The following KIAA1217 variants were observed in gnomAD, a reference collection of about 807,000 sequenced individuals.
KIAA1217 encodes KIAA1217.
Under a neutral mutation model 163.9 loss-of-function variants are expected in KIAA1217, and 88 were observed. The observed-to-expected ratio is 0.54, with a 90% confidence interval of 0.45 to 0.64. The LOEUF (loss-of-function observed/expected upper bound fraction) is 0.64, where lower values mean the gene tolerates loss of function less well. Ranked by LOEUF, KIAA1217 falls within the 30% of genes least tolerant of loss-of-function variation. KIAA1217 has a pLI of 0.00. For missense variants in KIAA1217, 2,372 were observed against 2,475.0 expected (o/e 0.96, Z 0.88); for synonymous variants, 903 against 923.1 (o/e 0.98, Z 0.39).
intron 1 of KIAA1217, among the ~76,000 whole-genome samples, chr10:23,703,730 C>T (rs1836646980): frequency 6.6e-6 from 1 of 152,046 alleles, no homozygotes; most frequent in African/African-American, 2.4e-5. Flanking sequence ...TCTCCTCCTC[C>T]TCCTCCCCTT....
intron 2 of KIAA1217, among the ~76,000 whole-genome samples, chr10:24,047,508 T>G (rs1849122348): frequency 6.6e-6 from 1 of 152,232 alleles, no homozygotes; most frequent in African/African-American, 2.4e-5. Context: ...GCATGAATAC[T>G]CTAAGTCAAG....
intron 2 of KIAA1217, among the ~76,000 whole-genome samples, chr10:24,271,791 C>T (rs1027668660): frequency 2.6e-5 from 4 of 151,706 alleles, no homozygotes; most frequent in African/African-American, 4.8e-5. Context: ...ACTGTGCACA[C>T]GCAGGCCTTT....
chr10:23,697,560 T>G (rs777336680), intron 1 of KIAA1217, among the ~76,000 whole-genome samples: 12 of 152,010 alleles, frequency 7.9e-5, no homozygotes, highest in Non-Finnish European at 1.5e-4. Flanking sequence ...AAACTAAGGC[T>G]TCATAGTTTT....
At chr10:23,724,592 G>C (rs1349056517) in intron 1 of KIAA1217, among the ~76,000 whole-genome samples, 1 of 152,118 alleles carries the variant, frequency 6.6e-6, no homozygotes, top group Non-Finnish European at 1.5e-5. Flanking sequence ...TTGATTGGCA[G>C]ACTGGATAAC....
chr10:24,089,616 C>T (rs1257442949), intron 2 of KIAA1217, among the ~76,000 whole-genome samples: 1 of 151,752 alleles, frequency 6.6e-6, no homozygotes, highest in Non-Finnish European at 1.5e-5. Flanking sequence ...AGATGTGTGG[C>T]ATTATTTCTG....
At chr10:24,273,428 T>C (rs546373480) in intron 2 of KIAA1217, among the ~76,000 whole-genome samples, 1 of 152,328 alleles carries the variant, frequency 6.6e-6, no homozygotes, top group South Asian at 2.1e-4. Context: ...ATTATTTTTA[T>C]GTTCTTCCTT....
intron 2 of KIAA1217, among the ~76,000 whole-genome samples, chr10:24,093,016 C>T (rs889706099): frequency 1.0e-4 from 15 of 150,696 alleles, no homozygotes; most frequent in Non-Finnish European, 2.2e-4. Flanking sequence ...TTTTTTTAGA[C>T]AAGGTCTCAC....
chr10:24,534,742 A>AT (rs1366594520), intron 16 of KIAA1217, among the ~76,000 whole-genome samples: 2 of 151,900 alleles, frequency 1.3e-5, no homozygotes, highest in Non-Finnish European at 2.9e-5. Context: ...TTAGCTGGGC[A>AT]TGGTGGTGGG....
chr10:24,339,913 A>G (rs1340017520), intron 2 of KIAA1217, among the ~76,000 whole-genome samples: 1 of 152,006 alleles, frequency 6.6e-6, no homozygotes, highest in African/African-American at 2.4e-5. Flanking sequence ...CTTCTCTCCT[A>G]CTCTTCCTTG....
chr10:23,954,576 G>A (rs1390778118), intron 1 of KIAA1217, among the ~76,000 whole-genome samples: 1 of 150,390 alleles, frequency 6.6e-6, no homozygotes, highest in Non-Finnish European at 1.5e-5. Flanking sequence ...AAAAAATGAA[G>A]GAAAGAAGGG....
intron 1 of KIAA1217, among the ~76,000 whole-genome samples, chr10:23,919,629 A>C (rs1476071703): frequency 6.6e-6 from 1 of 150,404 alleles, no homozygotes; most frequent in Non-Finnish European, 1.5e-5. Context: ...AAAAAAAAAA[A>C]AAGGCTCTGC....
At chr10:23,829,673 A>G (rs1260361967) in intron 1 of KIAA1217, among the ~76,000 whole-genome samples, 2 of 152,088 alleles carry the variant, frequency 1.3e-5, no homozygotes, top group East Asian at 3.9e-4. Context: ...CAGTCATTTG[A>G]TATGATTCAG....
chr10:24,367,088 TA>T lies in KIAA1217; in HGVS notation c.355-13780del, dbSNP rs150304850. 6.5e-4 allele frequency: 600 copies of T among 928,824 alleles called. No individual in the cohort carries two copies. In the African/African-American group the frequency reaches 9.9e-3, roughly 15 times the overall value. 57.5% of individuals were successfully genotyped at this position (928,824 alleles called of 1,614,324 possible). On this transcript the variant is annotated intron_variant, in intron 2 of 20. Coordinates refer to ENST00000376454, the MANE Select transcript of KIAA1217 (RefSeq NM_019590.5). The stretch of plus-strand genomic sequence containing the variant: ...TCATGTTTTCACCCCTTTTCTTTCC[TA>T]TTTTTTTCTTGTTTTCTCCTGGTCC...
chr10:24,272,778 T>C (rs1183816068), intron 2 of KIAA1217, among the ~76,000 whole-genome samples: 2 of 152,254 alleles, frequency 1.3e-5, no homozygotes, highest in Non-Finnish European at 2.9e-5. Context: ...ATAAATCATA[T>C]TCAAGGGTTT....
intron 1 of KIAA1217, among the ~76,000 whole-genome samples, chr10:23,842,168 T>C (rs1451987432): frequency 2.6e-5 from 4 of 152,090 alleles, no homozygotes; most frequent in Non-Finnish European, 4.4e-5. Context: ...GTGCCCGGCA[T>C]AGGACTTTCT....
chr10:24,440,861 C>T (rs926478315), intron 5 of KIAA1217, among the ~76,000 whole-genome samples: 6 of 152,220 alleles, frequency 3.9e-5, no homozygotes, highest in Admixed American at 6.5e-5. Flanking sequence ...GTGATCATGC[C>T]TGCAGTTTGC....
chr10:24,484,521 A>G (rs1448249154), intron 6 of KIAA1217, among the ~76,000 whole-genome samples: 2 of 151,976 alleles, frequency 1.3e-5, no homozygotes, highest in Non-Finnish European at 2.9e-5. Flanking sequence ...TGCTGGGATT[A>G]CAGGTGTGAG....
At position 24,494,417 on chromosome 10, in the gene KIAA1217, A is replaced by G. The variant is rs565847169; in HGVS notation, c.1680-83A>G. 43 of 1,148,190 alleles carry G rather than the reference A, an allele frequency of 3.7e-5. No homozygotes were observed. The East Asian group carries it at 9.9e-4, about 26-fold the overall frequency. The allele number at this position is 1,148,190 out of a possible 1,614,324, so 71.1% of individuals were successfully genotyped here. ...CACGGCCTTCTAGGTGGTACCTTTT[A>G]TAACCCTCAGGTGGTGCATTCACCC... is the stretch of plus-strand genomic sequence containing the variant. On this transcript the variant is annotated intron_variant, in intron 6 of 20. Transcript: ENST00000376454.
In KIAA1217 at chr10:23,989,561, A is replaced by T. The variant is rs567572747; in HGVS notation, c.-320-17664A>T. On this transcript the variant is annotated intron_variant, in intron 1 of 18. Coordinates refer to the KIAA1217 transcript ENST00000376462. ...GTCACCTGTCACATGAGAGTCTTTAAGATGGAGGATCAGAGAGACTTTTTG... is the reference window on the plus strand; with the variant it reads ...GTCACCTGTCACATGAGAGTCTTTATGATGGAGGATCAGAGAGACTTTTTG... Among the ~76,000 whole-genome samples, 43 of 152,270 alleles carry T rather than the reference A, an allele frequency of 2.8e-4. No homozygotes were observed. The South Asian group carries it at 8.7e-3, about 31-fold the overall frequency.
Sources: gnomAD v4.1 joint callset for allele counts (sites outside exome capture counted in the v4.1 genomes callset) on GRCh38, gnomAD v4.1.1 for gene constraint, MANE v1.5 for transcripts, NCBI Gene and HGNC (gene_info 2026-07-23, HGNC 2026-07-21) for gene names.